PDIA5: variants seen among roughly 807,000 people sequenced by gnomAD.
PDIA5 encodes protein disulfide isomerase family A member 5, also known as protein disulfide-isomerase A5.
In PDIA5, 58 loss-of-function variants were observed where a neutral mutation model predicts 77.6. That is an observed-to-expected ratio of 0.75 (90% CI 0.61 to 0.93). The LOEUF is 0.93. Among genes scored for constraint, PDIA5 ranks in the 40% least tolerant of loss-of-function variants. The probability of loss-of-function intolerance (pLI) is 0.00; values close to 1 mark genes in which losing one functional copy is unlikely to be tolerated. For synonymous variants in PDIA5, 250 were observed against 252.1 expected (o/e 0.99, Z 0.08); for missense variants, 630 against 647.7 (o/e 0.97, Z 0.30).
chr3:123,131,007 C>T (rs1019138053), intron 11 of PDIA5, among the ~76,000 whole-genome samples: 4 of 152,188 alleles, frequency 2.6e-5, no homozygotes, highest in African/African-American at 9.7e-5. Flanking sequence ...TATGGGGGCT[C>T]ATACCTATAA....
intron 1 of PDIA5, among the ~76,000 whole-genome samples, chr3:123,083,911 C>A (rs1560499570): frequency 6.6e-6 from 1 of 152,042 alleles, no homozygotes; most frequent in African/African-American, 2.4e-5. Flanking sequence ...AGGAAAGTCC[C>A]CTTGGGCTTA....
At chr3:123,104,024 C>T in intron 5 of PDIA5, among the ~76,000 whole-genome samples, 1 of 152,120 alleles carries the variant, frequency 6.6e-6, no homozygotes, top group East Asian at 1.9e-4. Context: ...TGAGCGGCTC[C>T]TCATAATTGT....
At chr3:123,152,853 G>A (rs755697142) in intron 14 of PDIA5, among the ~76,000 whole-genome samples, 1 of 152,064 alleles carries the variant, frequency 6.6e-6, no homozygotes, top group Non-Finnish European at 1.5e-5. Context: ...CCCTTCTCAG[G>A]CCAGCTTGGC....
chr3:123,101,579 G>A (rs1306926096), intron 3 of PDIA5, among the ~76,000 whole-genome samples: 1 of 152,120 alleles, frequency 6.6e-6, no homozygotes, highest in African/African-American at 2.4e-5. Context: ...CTTCAACATG[G>A]TAGCATGTTT....
intron 1 of PDIA5, among the ~76,000 whole-genome samples, chr3:123,080,490 G>A (rs572673828): frequency 2.6e-5 from 4 of 152,254 alleles, no homozygotes; most frequent in South Asian, 4.2e-4. Flanking sequence ...GAGAGTTCCC[G>A]GGCTAATTCT....
chr3:123,106,333 T>C (rs961148068), intron 5 of PDIA5, among the ~76,000 whole-genome samples: 1 of 152,242 alleles, frequency 6.6e-6, no homozygotes, highest in African/African-American at 2.4e-5. Context: ...ATGTCTCCTT[T>C]GGACAAGACT....
chr3:123,133,482 G>A (rs864476), intron 11 of PDIA5, among the ~76,000 whole-genome samples: 106,855 of 152,114 alleles, frequency 0.7, 38,626 homozygotes, highest in Non-Finnish European at 0.8. Context: ...TAGGATTGCT[G>A]AGCTTGATGA....
intron 7 of PDIA5, 48 bp downstream of exon 7, chr3:123,111,052 T>C (rs1409401507): frequency 7.2e-7 from 1 of 1,397,132 alleles, no homozygotes. Context: ...TTAGTCTCTT[T>C]GTGGGTGGGA....
At chr3:123,109,469 C>G (rs1374225817) in intron 6 of PDIA5, among the ~76,000 whole-genome samples, 2 of 152,036 alleles carry the variant, frequency 1.3e-5, no homozygotes, top group Non-Finnish European at 2.9e-5. Flanking sequence ...GGTTAAATAT[C>G]TTGGTTACTA....
chr3:123,135,336 C>G (rs1935472829), intron 11 of PDIA5, among the ~76,000 whole-genome samples: 1 of 152,132 alleles, frequency 6.6e-6, no homozygotes, highest in African/African-American at 2.4e-5. Context: ...CTCGTCTCTC[C>G]TAGGCCTGTG....
At chr3:123,148,368 G>A (rs1172056502) in intron 13 of PDIA5, among the ~76,000 whole-genome samples, 1 of 152,092 alleles carries the variant, frequency 6.6e-6, no homozygotes. Flanking sequence ...AGGAGTTCAA[G>A]ACCAGCCTGG....
chr3:123,136,625 G>A (rs750721280), intron 11 of PDIA5, among the ~76,000 whole-genome samples: 17 of 148,884 alleles, frequency 1.1e-4, no homozygotes, highest in Non-Finnish European at 2.2e-4. Flanking sequence ...TGTAGTCCCA[G>A]CTACTTGGGA....
rs542720895 is a variant in PDIA5 at position 123,096,560 on chromosome 3, T to A, written c.257+4118T>A. On this transcript the variant is annotated intron_variant, in intron 3 of 16. Coordinates refer to ENST00000316218, the MANE Select transcript of PDIA5 (RefSeq NM_006810.4). ...ATATATTTTCCTTTTTTTAAAAAAA[T>A]TTTTTGCTTTTCTGACTCTTCCTCC... Among the ~76,000 whole-genome samples the A allele has an allele frequency of 5.3e-5, 8 of 152,246 alleles. No individual in the cohort carries two copies. In the East Asian group the frequency reaches 1.2e-3, roughly 22 times the overall value.
intron 11 of PDIA5, among the ~76,000 whole-genome samples, chr3:123,135,749 T>G (rs1337397093): frequency 6.7e-6 from 1 of 148,276 alleles, no homozygotes; most frequent in Non-Finnish European, 1.5e-5. Flanking sequence ...TAACAACTTT[T>G]TTTTTTTTTT....
At chr3:123,150,412 C>T in intron 14 of PDIA5, 48 bp downstream of exon 14, 6 of 1,564,000 alleles carry the variant, frequency 3.8e-6, no homozygotes, top group Non-Finnish European at 5.2e-6. Flanking sequence ...AGGGGTTTGG[C>T]CCCACCAAAC....
chr3:123,118,948 G>C (rs545862102), intron 8 of PDIA5, among the ~76,000 whole-genome samples: 1 of 152,212 alleles, frequency 6.6e-6, no homozygotes, highest in Non-Finnish European at 1.5e-5. Context: ...AAGACCACTC[G>C]TGTTCAGAAT....
At chr3:123,139,123 C>T (rs959857978) in intron 11 of PDIA5, among the ~76,000 whole-genome samples, 1 of 152,200 alleles carries the variant, frequency 6.6e-6, no homozygotes, top group Non-Finnish European at 1.5e-5. Flanking sequence ...AGTGCACTTA[C>T]ACAGATGATA....
At chr3:123,127,162 C>T (rs1560537101) in intron 10 of PDIA5, among the ~76,000 whole-genome samples, 1 of 152,172 alleles carries the variant, frequency 6.6e-6, no homozygotes, top group African/African-American at 2.4e-5. Flanking sequence ...ATGGCACATG[C>T]ATCTCCCTTA....
intron 1 of PDIA5, among the ~76,000 whole-genome samples, chr3:123,080,162 G>T (rs908853748): frequency 6.6e-6 from 1 of 151,392 alleles, no homozygotes; most frequent in Non-Finnish European, 1.5e-5. Context: ...GTGTGTGGGG[G>T]GGATTTAACA....
Sources: allele counts gnomAD v4.1 joint callset (sites outside exome capture counted in the v4.1 genomes callset), GRCh38; gene constraint gnomAD v4.1.1; transcripts MANE v1.5; gene names NCBI Gene and HGNC (gene_info 2026-07-23, HGNC 2026-07-21).